C6: variants seen among roughly 807,000 people sequenced by gnomAD.
C6 encodes the protein complement component C6.
In C6, 101 loss-of-function variants were observed where a neutral mutation model predicts 112.9. The observed-to-expected ratio is 0.89, with a 90% CI of 0.76 to 1.06. The LOEUF (loss-of-function observed/expected upper bound fraction) is 1.06. C6 is among the 50% of genes least tolerant of loss of function. C6 has a pLI of 0.00. For missense variants in C6, 1,202 were observed against 1,104.6 expected, an observed-to-expected ratio of 1.09 and a Z score of -1.25; for synonymous variants, 431 against 384.1, an observed-to-expected ratio of 1.12 and a Z score of -1.43.
chr5:41,259,787 C>T (rs1004952332), intron 1 of C6, among the ~76,000 whole-genome samples: 1 of 152,116 alleles, frequency 6.6e-6, no homozygotes, highest in African/African-American at 2.4e-5. Flanking sequence ...TAATATCTCC[C>T]AAATGTCGTA....
At chr5:41,203,776 T>C (rs1206385161) in intron 1 of C6, 2 of 163,092 alleles carry the variant, frequency 1.2e-5, no homozygotes, top group East Asian at 1.7e-4. Context: ...CTAGTAAGGA[T>C]CTTTGAAACC....
intron 1 of C6, among the ~76,000 whole-genome samples, chr5:41,249,853 C>T (rs1741236559): frequency 6.6e-6 from 1 of 152,038 alleles, no homozygotes; most frequent in Non-Finnish European, 1.5e-5. Context: ...GACTAACTTA[C>T]AGGAGTACTC....
intron 1 of C6, among the ~76,000 whole-genome samples, chr5:41,218,597 G>A (rs187418690): frequency 6.6e-6 from 1 of 151,864 alleles, no homozygotes; most frequent in East Asian, 1.9e-4. Context: ...TGTCCAGCCC[G>A]ATCTCACAAA....
chr5:41,259,741 C>A (rs1385433193), intron 1 of C6, among the ~76,000 whole-genome samples: 1 of 152,148 alleles, frequency 6.6e-6, no homozygotes, highest in Non-Finnish European at 1.5e-5. Context: ...CCTGAGGCTG[C>A]ACTTAAAAAG....
chr5:41,196,981 C>T (rs183671466), intron 4 of C6, among the ~76,000 whole-genome samples: 2 of 152,192 alleles, frequency 1.3e-5, no homozygotes, highest in East Asian at 3.9e-4. Flanking sequence ...CCAGTATGTA[C>T]AGGTCCAACT....
In C6 at chr5:41,159,394, G is replaced by T. The variant is rs143176384; in HGVS notation, c.1685-141C>A. 4.5e-3 allele frequency: 6,479 copies of T among 1,444,516 alleles called. 21 individuals are homozygous for T. The highest frequency in any genetic ancestry group is 5.0e-3 in the Non-Finnish European group (5,496 of 1,095,608). 89.5% of individuals were successfully genotyped at this position (1,444,516 alleles called of 1,614,324 possible). ...GATAGGGTTCTTCTAAGGATTAAAA[G>T]AAATTACCTGTGCAAGGGGCCTGAC... On this transcript the variant is annotated intron_variant, in intron 11 of 17. Coordinates refer to ENST00000337836, the MANE Select transcript of C6 (RefSeq NM_000065.5).
In C6 at chr5:41,175,361, T is replaced by TATGTATGTACTGTGTGC. The variant is rs570445404; in HGVS notation, c.1168+1097_1168+1113dup. On this transcript the variant is annotated intron_variant, in intron 8 of 17. Transcript: ENST00000337836. ...TACATGCATACAGTGTATGTGTGTG[T>TATGTATGTACTGTGTGC]ATGTATGTACTGTGTGCATGCATGT... 2.1e-3 allele frequency among the ~76,000 whole-genome samples: 313 copies of TATGTATGTACTGTGTGC among 152,384 alleles called. 2 individuals are homozygous for TATGTATGTACTGTGTGC. The highest frequency in any genetic ancestry group is 7.3e-3 in the African/African-American group (304 of 41,594).
chr5:41,175,097 A>T (rs1475075931), intron 8 of C6, among the ~76,000 whole-genome samples: 1 of 152,200 alleles, frequency 6.6e-6, no homozygotes, highest in Non-Finnish European at 1.5e-5. Flanking sequence ...CCTTGACCTA[A>T]GACCAGTCCT....
chr5:41,202,454 C>T (rs996503739), intron 2 of C6, among the ~76,000 whole-genome samples: 4 of 152,124 alleles, frequency 2.6e-5, no homozygotes, highest in Non-Finnish European at 1.5e-5. Context: ...GAGATTCACA[C>T]TACATATGTA....
intron 1 of C6, among the ~76,000 whole-genome samples, chr5:41,242,775 A>T (rs918041143): frequency 2.0e-5 from 3 of 152,132 alleles, no homozygotes; most frequent in Non-Finnish European, 2.9e-5. Context: ...TGAATGGATT[A>T]AAAAAAGTAT....
At chr5:41,172,115 A>G in intron 9 of C6, 110 bp downstream of exon 9, 1 of 1,115,200 alleles carries the variant, frequency 9.0e-7, no homozygotes, top group Non-Finnish European at 1.4e-6. Context: ...GAGGAAGAGA[A>G]ATGAAATAAA....
At chr5:41,242,247 T>C (rs1190854579) in intron 1 of C6, among the ~76,000 whole-genome samples, 1 of 152,094 alleles carries the variant, frequency 6.6e-6, no homozygotes, top group Non-Finnish European at 1.5e-5. Context: ...GGGGGCGGTT[T>C]CCCCCATCGT....
At chr5:41,206,888 G>T (rs910280152) in intron 1 of C6, among the ~76,000 whole-genome samples, 10 of 152,066 alleles carry the variant, frequency 6.6e-5, no homozygotes, top group African/African-American at 7.2e-5. Context: ...CCACAAAGAT[G>T]CTCCTTGAGA....
At chr5:41,241,968 C>A (rs191810495) in intron 1 of C6, among the ~76,000 whole-genome samples, 1 of 152,126 alleles carries the variant, frequency 6.6e-6, no homozygotes, top group African/African-American at 2.4e-5. Flanking sequence ...AAACCTATAG[C>A]AAGACAAAAA....
At chr5:41,220,282 A>T (rs553324666) in intron 1 of C6, among the ~76,000 whole-genome samples, 1 of 152,300 alleles carries the variant, frequency 6.6e-6, no homozygotes, top group South Asian at 2.1e-4. Context: ...TTTTATGCAG[A>T]TAGTGTATTA....
At chr5:41,170,794 C>T (rs529846053) in intron 9 of C6, among the ~76,000 whole-genome samples, 1 of 152,118 alleles carries the variant, frequency 6.6e-6, no homozygotes, top group African/African-American at 2.4e-5. Context: ...TGTGATTCTG[C>T]TTCCCTTTAT....
intron 2 of C6, among the ~76,000 whole-genome samples, chr5:41,202,815 T>G (rs921114829): frequency 6.6e-6 from 1 of 152,194 alleles, no homozygotes. Flanking sequence ...GAAAAAAGCT[T>G]GGGTAGTGAT....
chr5:41,148,163 A>G (rs550086152), intron 17 of C6, among the ~76,000 whole-genome samples: 183 of 152,332 alleles, frequency 1.2e-3, no homozygotes, highest in African/African-American at 4.2e-3. Flanking sequence ...TTTAGGTATG[A>G]TGGCACTATT....
At chr5:41,223,190 T>C (rs544308231) in intron 1 of C6, among the ~76,000 whole-genome samples, 1 of 152,278 alleles carries the variant, frequency 6.6e-6, no homozygotes, top group Admixed American at 6.5e-5. Context: ...CAGGTATTGT[T>C]ACCACACTGG....
Sources: allele counts gnomAD v4.1 joint callset (sites outside exome capture counted in the v4.1 genomes callset), GRCh38; gene constraint gnomAD v4.1.1; transcripts MANE v1.5; gene names NCBI Gene and HGNC (gene_info 2026-07-23, HGNC 2026-07-21).